Variants in TAB2 observed in about 807,000 individuals in gnomAD.
TAB2 encodes the protein TGF-beta activated kinase 1 (MAP3K7) binding protein 2, also known as TGF-beta-activated kinase 1 and MAP3K7-binding protein 2.
A neutral mutation model predicts 65.0 loss-of-function variants in TAB2; 3 were observed. The ratio of observed to expected loss-of-function variants is 0.05; its 90% CI spans 0.02 to 0.12. The LOEUF (loss-of-function observed/expected upper bound fraction) is 0.12. Among genes scored for constraint, TAB2 ranks in the 10% least tolerant of loss-of-function variants. The pLI is 1.00. For missense variants in TAB2, 623 were observed against 840.3 expected (o/e 0.74, Z 3.20); for synonymous variants, 298 against 285.1 (o/e 1.05, Z -0.46).
chr6:149,365,875 T>A (rs1781023524), intron 1 of TAB2, among the ~76,000 whole-genome samples: 1 of 152,162 alleles, frequency 6.6e-6, no homozygotes, highest in Non-Finnish European at 1.5e-5. Flanking sequence ...TCACTGACTG[T>A]CATTTCCCAT....
chr6:149,328,985 G>A (rs1462113032), intron 1 of TAB2, among the ~76,000 whole-genome samples: 1 of 152,136 alleles, frequency 6.6e-6, no homozygotes, highest in Admixed American at 6.5e-5. Flanking sequence ...CATGAAAGAT[G>A]GAGGTAGGAA....
At chr6:149,275,467 T>C (rs190854594) in intron 1 of TAB2, among the ~76,000 whole-genome samples, 23 of 152,326 alleles carry the variant, frequency 1.5e-4, no homozygotes, top group Non-Finnish European at 1.5e-4. Flanking sequence ...CTGATGTATA[T>C]ACCTTATTGA....
chr6:149,395,396 C>T (rs945199163), intron 3 of TAB2, among the ~76,000 whole-genome samples: 2 of 152,162 alleles, frequency 1.3e-5, no homozygotes, highest in African/African-American at 4.8e-5. Flanking sequence ...CCCCTCCTTT[C>T]CTGCTATCTA....
intron 1 of TAB2, among the ~76,000 whole-genome samples, chr6:149,297,460 C>A (rs1334726654): frequency 1.3e-5 from 2 of 152,130 alleles, no homozygotes; most frequent in East Asian, 3.8e-4. Context: ...TACCCTACTG[C>A]ATTGTTTTAA....
At chr6:149,317,711 C>G (rs992543425), upstream of TAB2, 1 of 157,992 alleles carries the variant, frequency 6.3e-6, no homozygotes, top group Non-Finnish European at 1.4e-5. The surrounding 1 kb of genome is among the most constrained non-coding windows in gnomAD (Gnocchi z 4.7). Context: ...GCCGCCCAGC[C>G]GTCGTTTTTG....
At chr6:149,364,797 C>G (rs2114843096) in intron 1 of TAB2, among the ~76,000 whole-genome samples, 1 of 150,824 alleles carries the variant, frequency 6.6e-6, no homozygotes, top group Middle Eastern at 3.4e-3. Flanking sequence ...GAGACGTGGT[C>G]TCGTGTTAAA....
chr6:149,271,583 A>C (rs916593172), intron 1 of TAB2, among the ~76,000 whole-genome samples: 1 of 152,194 alleles, frequency 6.6e-6, no homozygotes, highest in Non-Finnish European at 1.5e-5. Context: ...CATGACCCAG[A>C]AGTTACTAAC....
chr6:149,218,355 T>C (rs1207628445), upstream of TAB2, among the ~76,000 whole-genome samples: 2 of 152,146 alleles, frequency 1.3e-5, no homozygotes, highest in Non-Finnish European at 2.9e-5. Context: ...AAAGGATTAA[T>C]ACTCATTCAA....
At chr6:149,391,001 A>G (rs1781965707) in intron 3 of TAB2, among the ~76,000 whole-genome samples, 1 of 151,928 alleles carries the variant, frequency 6.6e-6, no homozygotes, top group Non-Finnish European at 1.5e-5. Flanking sequence ...CCATTCTTGG[A>G]TCTTATATTA....
chr6:149,223,245 T>C (rs186098026), intron 1 of TAB2, among the ~76,000 whole-genome samples: 117 of 152,364 alleles, frequency 7.7e-4, no homozygotes, highest in Middle Eastern at 6.8e-3. Context: ...TGAGTCTGTT[T>C]TATGTTTCTG....
chr6:149,232,965 C>T (rs1562381647), intron 1 of TAB2, among the ~76,000 whole-genome samples: 4 of 152,164 alleles, frequency 2.6e-5, no homozygotes, highest in Admixed American at 6.5e-5. Flanking sequence ...GCCCAAAAGG[C>T]AGGCACAGCT....
In TAB2 at chr6:149,393,727, G is replaced by C. The variant is rs113728891; in HGVS notation, c.1604-3877G>C. Among the ~76,000 whole-genome samples the C allele has an allele frequency of 5.0e-3, 762 of 152,092 alleles. 6 individuals carry two copies. The highest frequency in any genetic ancestry group is 0.018 in the African/African-American group (741 of 41,488). ...ATGTATACTTTATGATGTATTTGTT[G>C]GAAAATAAATTAGATTATTTTTATG... On this transcript the variant is annotated intron_variant, in intron 3 of 6. Coordinates refer to ENST00000637181, the MANE Select transcript of TAB2 (RefSeq NM_001292034.3).
chr6:149,336,641 AAAG>A (rs1703782273), intron 1 of TAB2, among the ~76,000 whole-genome samples: 1 of 152,202 alleles, frequency 6.6e-6, no homozygotes, highest in South Asian at 2.1e-4. Flanking sequence ...AGCAGGATAA[AAAG>A]AATTCAAGTA....
At chr6:149,218,190 T>G (rs1390441740), upstream of TAB2, 3 of 152,226 alleles carry the variant, frequency 2.0e-5, no homozygotes, top group Non-Finnish European at 4.4e-5. Flanking sequence ...GAAAGCTTAT[T>G]GTTAGTTAGC....
chr6:149,238,662 C>T (rs1777543218), intron 1 of TAB2, among the ~76,000 whole-genome samples: 1 of 152,188 alleles, frequency 6.6e-6, no homozygotes, highest in Non-Finnish European at 1.5e-5. Flanking sequence ...CCAACCATGT[C>T]TGATCAAAGT....
At chr6:149,352,345 G>A (rs1780518582) in intron 1 of TAB2, among the ~76,000 whole-genome samples, 1 of 152,052 alleles carries the variant, frequency 6.6e-6, no homozygotes, top group African/African-American at 2.4e-5. Flanking sequence ...TAAATATATA[G>A]TAGCTGCAGA....
At chr6:149,343,404 G>A (rs6906384) in intron 1 of TAB2, among the ~76,000 whole-genome samples, 68,530 of 151,136 alleles carry the variant, frequency 0.45, 16,213 homozygotes, top group Middle Eastern at 0.61. Context: ...TGAGGGAGTC[G>A]GAGGTTGCAG....
intron 1 of TAB2, among the ~76,000 whole-genome samples, chr6:149,348,976 TA>T (rs1256623458): frequency 5.3e-5 from 8 of 149,642 alleles, no homozygotes; most frequent in Non-Finnish European, 3.0e-5. Context: ...TCAAAAAATT[TA>T]AAAAAAAAAT....
intron 6 of TAB2, chr6:149,400,411 C>T: frequency 2.5e-6 from 4 of 1,614,170 alleles, no homozygotes; most frequent in African/African-American, 1.3e-5. Context: ...GAAAAGCCCA[C>T]AGAAGAAGTC....
Sources: allele counts gnomAD v4.1 joint callset (sites outside exome capture counted in the v4.1 genomes callset), GRCh38; gene constraint gnomAD v4.1.1; non-coding constraint Gnocchi (gnomAD v3.1); transcripts MANE v1.5; gene names NCBI Gene and HGNC (gene_info 2026-07-23, HGNC 2026-07-21).